The following CLNK variants were observed in gnomAD, a reference collection of about 807,000 sequenced individuals.
The protein encoded by CLNK is cytokine dependent hematopoietic cell linker, also known as cytokine-dependent hematopoietic cell linker.
CLNK carries 74 observed loss-of-function variants against 68.6 expected under a neutral mutation model. That is an observed-to-expected ratio of 1.08 (90% CI 0.89 to 1.31). The LOEUF (loss-of-function observed/expected upper bound fraction) is 1.31. Among genes scored for constraint, CLNK ranks in the 50% most tolerant of loss-of-function variants. The probability of loss-of-function intolerance (pLI) is 0.00; values close to 1 mark genes in which losing one functional copy is unlikely to be tolerated. For missense variants in CLNK, 553 were observed against 515.3 expected, an observed-to-expected ratio of 1.07 and a Z score of -0.71; for synonymous variants, 198 against 172.2, an observed-to-expected ratio of 1.15 and a Z score of -1.17.
intron 12 of CLNK, among the ~76,000 whole-genome samples, chr4:10,530,828 C>T (rs1372323078): frequency 6.6e-6 from 1 of 152,186 alleles, no homozygotes; most frequent in Non-Finnish European, 1.5e-5. Flanking sequence ...AGCAGCTGAG[C>T]ATCACCCCAG....
In CLNK at chr4:10,566,034, C is replaced by T. The variant is rs771603914; in HGVS notation, c.267G>A (p.Arg89=). ...CTGCATATTCAGATTCCTTTATAGG[C>T]CGGGCTGGTAAAATTTTAATCGACT... ...TWQSIKILPA[R]PIKESEYADT... Residue 89 remains arginine, a synonymous_variant, in exon 6 of 19, where the codon CGG becomes CGA. Transcript: ENST00000226951. The T allele has an allele frequency of 5.0e-6, 8 of 1,613,764 alleles. No homozygotes were observed. Among genetic ancestry groups the T allele is most frequent in the Non-Finnish European group, 5.1e-6 (6 of 1,179,830 alleles).
At chr4:10,693,374 TAAAAA>T in the CLNK span, among the ~76,000 whole-genome samples, 1 of 152,082 alleles carries the variant, frequency 6.6e-6, no homozygotes, top group Non-Finnish European at 1.5e-5. Context: ...CTCGCACCCT[TAAAAA>T]AGAAGAGAGC....
intron 8 of CLNK, among the ~76,000 whole-genome samples, chr4:10,557,529 C>T (rs1719725684): frequency 6.6e-6 from 1 of 152,210 alleles, no homozygotes; most frequent in Non-Finnish European, 1.5e-5. Flanking sequence ...TAACTGTCCC[C>T]TCATCCCTCT....
chr4:10,553,263 A>C (rs979021119), intron 8 of CLNK, among the ~76,000 whole-genome samples: 1 of 152,198 alleles, frequency 6.6e-6, no homozygotes, highest in African/African-American at 2.4e-5. Flanking sequence ...AGCATGGGCC[A>C]AAGAATGTGA....
Position 10,540,582 on chromosome 4 carries a change from T to A in CLNK, c.514A>T (p.Lys172Ter), listed in dbSNP as rs1363558385. 4 of 1,613,702 alleles carry A rather than the reference T, an allele frequency of 2.5e-6. No individual in the cohort carries two copies. The highest frequency in any genetic ancestry group is 3.4e-6 in the Non-Finnish European group (4 of 1,179,778). ...GGCTCAGGGGGCAAGGGTTGGTACT[T>A]CTTCGGAAGTGTTATGAGAGGCCTG... Reference protein sequence around the residue: ...PPRPLITLPKKYQPLPPEPES... With the variant: ...PPRPLITLPK Residue 172 changes from lysine (K) to a stop codon, truncating the protein, a stop_gained, in exon 11 of 19, where the codon AAG (lysine) becomes TAG (stop). Coordinates refer to ENST00000226951, the MANE Select transcript of CLNK (RefSeq NM_052964.4). LOFTEE classifies it high-confidence loss of function.
At chr4:10,551,914 GT>G (rs1278229309) in intron 8 of CLNK, among the ~76,000 whole-genome samples, 1 of 149,416 alleles carries the variant, frequency 6.7e-6, no homozygotes, top group Non-Finnish European at 1.5e-5. Flanking sequence ...GGGGCATGAT[GT>G]CGTCTCACTG....
At chr4:10,569,553 C>A (rs535169768) in intron 5 of CLNK, among the ~76,000 whole-genome samples, 1 of 152,156 alleles carries the variant, frequency 6.6e-6, no homozygotes, top group African/African-American at 2.4e-5. Context: ...CAGTTTATGG[C>A]ATATTGTTAT....
At chr4:10,492,080 C>A (rs1716598426) in intron 18 of CLNK, among the ~76,000 whole-genome samples, 1 of 152,108 alleles carries the variant, frequency 6.6e-6, no homozygotes, top group Admixed American at 6.6e-5. Flanking sequence ...CAACTTAGAT[C>A]CTCCTTAGCA....
At chr4:10,570,351 T>C (rs1332236169) in intron 5 of CLNK, among the ~76,000 whole-genome samples, 1 of 152,142 alleles carries the variant, frequency 6.6e-6, no homozygotes, top group Non-Finnish European at 1.5e-5. Context: ...AAGAGACTTT[T>C]GCCCCCAGGA....
At chr4:10,673,669 G>T (rs1025359311) in intron 1 of CLNK, among the ~76,000 whole-genome samples, 1 of 151,918 alleles carries the variant, frequency 6.6e-6, no homozygotes, top group Non-Finnish European at 1.5e-5. Flanking sequence ...GGCCTGTCAG[G>T]GGGTGGGGGG....
chr4:10,577,252 G>A (rs953648930), intron 4 of CLNK, among the ~76,000 whole-genome samples: 3 of 152,194 alleles, frequency 2.0e-5, no homozygotes, highest in Non-Finnish European at 4.4e-5. Flanking sequence ...TCAGGGGAGT[G>A]GAGAAGGGGA....
chr4:10,655,327 CCAAAGA>C lies in CLNK; in HGVS notation c.11+12526_11+12531del, dbSNP rs376968959. On this transcript the variant is annotated intron_variant, in intron 2 of 18. Transcript: ENST00000226951. Reference sequence around the variant, plus strand: ...TCAAAGTAATTCCGGCCTAAAACCCCCAAAGACAGAGAGAGAGAGAGAGAGAGAGAG... The same window carrying C: ...TCAAAGTAATTCCGGCCTAAAACCCCCAGAGAGAGAGAGAGAGAGAGAGAG... Among the ~76,000 whole-genome samples the C allele has an allele frequency of 2.8e-3, 248 of 89,732 alleles. 1 individual carries two copies. The highest frequency in any genetic ancestry group is 0.01 in the African/African-American group (235 of 22,824). The allele number at this position is 89,732 out of a possible 152,430, so 58.9% of individuals were successfully genotyped here.
At chr4:10,549,176 C>T (rs1719349550) in intron 8 of CLNK, among the ~76,000 whole-genome samples, 2 of 152,088 alleles carry the variant, frequency 1.3e-5, no homozygotes, top group South Asian at 2.1e-4. Context: ...TCAAATATGC[C>T]GACTGGCAAG....
rs1342669195 is a variant in CLNK at position 10,637,648 on chromosome 4, G to T, written c.11+30211C>A. ...CTCACTCTCTTGCCGAGGCTGGAGT[G>T]TAGTGGTGTGATTTTGGCTCACTGC... On this transcript the variant is annotated intron_variant, in intron 2 of 18. Coordinates refer to ENST00000226951, the MANE Select transcript of CLNK (RefSeq NM_052964.4). Among the ~76,000 whole-genome samples the T allele has an allele frequency of 2.2e-5, 3 of 135,548 alleles. No homozygotes were observed. In the Admixed American group the frequency reaches 2.4e-4, roughly 11 times the overall value. 88.9% of individuals were successfully genotyped at this position (135,548 alleles called of 152,430 possible). A position where few individuals can be genotyped will look rare whatever the true frequency, so the allele number is the denominator to read the frequency against.
chr4:10,489,395 G>C lies in CLNK; in HGVS notation c.*1072C>G, dbSNP rs1228197137. The C allele has an allele frequency of 2.6e-5, 4 of 152,094 alleles. No homozygotes were observed. The highest frequency in any genetic ancestry group is 5.9e-5 in the Non-Finnish European group (4 of 68,026). 9.4% of individuals were successfully genotyped at this position (152,094 alleles called of 1,614,324 possible). A position where few individuals can be genotyped will look rare whatever the true frequency, so the allele number is the denominator to read the frequency against. ...ATTGGAATTGTTAATACAATTTTTA[G>C]TTTCCCTCAGACATATGCTTGCCTG... On this transcript the variant is annotated 3_prime_UTR_variant, in exon 19 of 19. Coordinates refer to ENST00000226951, the MANE Select transcript of CLNK (RefSeq NM_052964.4).
rs1716528601 is a variant in CLNK at position 10,490,611 on chromosome 4, C to T, written c.1143G>A (p.Lys381=). ...CGATGATGTCTTCTACTGAATCAAA[C>T]TTCTGAAACACAGAAAAGAAAGTTA... ...ALGTGLRGDE[K]FDSVEDIIEH... Residue 381 remains lysine, a splice_region_variant and synonymous_variant, in exon 19 of 19, where the codon AAG becomes AAA. Transcript: ENST00000226951. The T allele has an allele frequency of 1.1e-5, 17 of 1,563,882 alleles. No homozygotes were observed. Among genetic ancestry groups the T allele is most frequent in the Non-Finnish European group, 1.4e-5 (16 of 1,153,150 alleles).
rs770577711 is a variant in CLNK, at chr4:10,490,422, TGGAAGCGCTGAATCCAGTA to T, written c.*26_*44del. On this transcript the variant is annotated 3_prime_UTR_variant, in exon 19 of 19. Coordinates refer to ENST00000226951, the MANE Select transcript of CLNK (RefSeq NM_052964.4). ...AAACTTTTGAAATCAATGAAAACAA[TGGAAGCGCTGAATCCAGTA>T]AACCAAAGATAACACAAAGACCAGG... is the stretch of plus-strand genomic sequence containing the variant. 1.3e-6 allele frequency: 2 copies of T among 1,587,098 alleles called. No individual in the cohort carries two copies. The highest frequency in any genetic ancestry group is 1.7e-6 in the Non-Finnish European group (2 of 1,169,620).
At chr4:10,725,800 A>G in the CLNK span, among the ~76,000 whole-genome samples, 3 of 151,748 alleles carry the variant, frequency 2.0e-5, no homozygotes, top group Non-Finnish European at 4.4e-5. Context: ...CCTTGCAGTG[A>G]GCCGAGATGC....
intron 8 of CLNK, among the ~76,000 whole-genome samples, chr4:10,554,749 C>A (rs1363126699): frequency 1.3e-5 from 2 of 152,134 alleles, no homozygotes; most frequent in Non-Finnish European, 2.9e-5. Flanking sequence ...GTTTTTTCTG[C>A]AAAGGATAGA....
Sources: allele counts gnomAD v4.1 joint callset (sites outside exome capture counted in the v4.1 genomes callset), GRCh38; gene constraint gnomAD v4.1.1; transcripts MANE v1.5; gene names NCBI Gene and HGNC (gene_info 2026-07-23, HGNC 2026-07-21).